CCDC178: variants seen among roughly 807,000 people sequenced by gnomAD.
The protein encoded by CCDC178 is coiled-coil domain-containing protein 178.
A neutral mutation model predicts 117.4 loss-of-function variants in CCDC178; 126 were observed. That is an observed-to-expected ratio of 1.07 (90% CI 0.93 to 1.24). The LOEUF (loss-of-function observed/expected upper bound fraction) is 1.24. CCDC178 is among the 50% of genes most tolerant of loss of function. The pLI, the probability that CCDC178 is intolerant of heterozygous loss-of-function variation, is 0.00. For synonymous variants in CCDC178, 283 were observed against 313.4 expected, an observed-to-expected ratio of 0.90 and a Z score of 1.02; for missense variants, 1,030 against 986.9, an observed-to-expected ratio of 1.04 and a Z score of -0.59.
At chr18:33,287,793 A>T (rs1166512801) in intron 12 of CCDC178, among the ~76,000 whole-genome samples, 1 of 151,962 alleles carries the variant, frequency 6.6e-6, no homozygotes, top group Non-Finnish European at 1.5e-5. Context: ...TAAATGAATG[A>T]ATAAATAAAT....
At chr18:33,163,792 T>C (rs976411016) in intron 20 of CCDC178, among the ~76,000 whole-genome samples, 2 of 152,348 alleles carry the variant, frequency 1.3e-5, no homozygotes, top group South Asian at 2.1e-4. Context: ...AGAATGTTGT[T>C]TCAGTAAGTT....
At chr18:33,214,104 T>TG in intron 19 of CCDC178, among the ~76,000 whole-genome samples, 3 of 152,054 alleles carry the variant, frequency 2.0e-5, no homozygotes, top group Non-Finnish European at 4.4e-5. Context: ...GGAGCTAAGC[T>TG]GAAGCTACCT....
chr18:33,253,135 A>G (rs2059636277), intron 14 of CCDC178, among the ~76,000 whole-genome samples: 1 of 151,824 alleles, frequency 6.6e-6, no homozygotes, highest in South Asian at 2.1e-4. Context: ...CAAAATTACC[A>G]AATTATAAAC....
At chr18:33,315,484 A>T (rs551656241) in intron 11 of CCDC178, among the ~76,000 whole-genome samples, 1 of 151,996 alleles carries the variant, frequency 6.6e-6, no homozygotes, top group Non-Finnish European at 1.5e-5. Flanking sequence ...CTACCATCCT[A>T]CTTATCTTGA....
intron 20 of CCDC178, among the ~76,000 whole-genome samples, chr18:33,178,853 T>C (rs991329499): frequency 7.9e-5 from 12 of 151,430 alleles, no homozygotes; most frequent in Non-Finnish European, 1.8e-4. Flanking sequence ...AGATGCTTCT[T>C]CTTGAACTGT....
At chr18:33,417,610 C>T (rs1396618948) in intron 2 of CCDC178, among the ~76,000 whole-genome samples, 2 of 151,902 alleles carry the variant, frequency 1.3e-5, no homozygotes, top group African/African-American at 4.8e-5. Flanking sequence ...GTTCCATTGC[C>T]TGTATCAATA....
At chr18:33,169,423 GA>G (rs1283819080) in intron 20 of CCDC178, among the ~76,000 whole-genome samples, 2 of 152,032 alleles carry the variant, frequency 1.3e-5, no homozygotes, top group African/African-American at 4.8e-5. Context: ...TGGGTCACTA[GA>G]AAAAAATTCT....
chr18:33,241,217 T>C (rs1285641863), intron 15 of CCDC178, among the ~76,000 whole-genome samples: 1 of 151,866 alleles, frequency 6.6e-6, no homozygotes. Flanking sequence ...GGTCCATATA[T>C]GACAAACCCA....
chr18:33,208,709 C>G (rs1467728219), intron 20 of CCDC178, among the ~76,000 whole-genome samples: 1 of 151,934 alleles, frequency 6.6e-6, no homozygotes, highest in Non-Finnish European at 1.5e-5. Flanking sequence ...ATTCCAGTAC[C>G]TGGTGGTCAA....
At chr18:32,942,536 T>C (rs1362934189) in intron 22 of CCDC178, among the ~76,000 whole-genome samples, 1 of 152,056 alleles carries the variant, frequency 6.6e-6, no homozygotes, top group Non-Finnish European at 1.5e-5. Context: ...AAAAAAAAAT[T>C]ATGAGAAACT....
At chr18:33,181,872 GA>G (rs995012958) in intron 20 of CCDC178, among the ~76,000 whole-genome samples, 6 of 151,512 alleles carry the variant, frequency 4.0e-5, no homozygotes, top group African/African-American at 1.2e-4. Context: ...GACATATTAA[GA>G]AAAAAAGTCA....
chr18:33,021,070 C>T (rs1390869960), intron 21 of CCDC178, among the ~76,000 whole-genome samples: 2 of 152,312 alleles, frequency 1.3e-5, no homozygotes, highest in South Asian at 2.1e-4. Context: ...GCCACTGCCA[C>T]CTGGAGGCTT....
At chr18:33,129,717 T>C (rs1320955827) in intron 20 of CCDC178, among the ~76,000 whole-genome samples, 1 of 152,052 alleles carries the variant, frequency 6.6e-6, no homozygotes. Flanking sequence ...ACTGGTTTTC[T>C]GCAAATATAC....
intron 20 of CCDC178, among the ~76,000 whole-genome samples, chr18:33,096,727 C>T (rs938022149): frequency 2.0e-5 from 3 of 152,092 alleles, no homozygotes; most frequent in Non-Finnish European, 4.4e-5. Flanking sequence ...CCTCCAGACC[C>T]AAAGCCTCAA....
At chr18:33,068,298 C>A (rs1049076665) in intron 21 of CCDC178, among the ~76,000 whole-genome samples, 45 of 152,064 alleles carry the variant, frequency 3.0e-4, no homozygotes, top group Admixed American at 2.9e-3. Context: ...ATTAAGAGTT[C>A]ATTCTTCCTA....
intron 21 of CCDC178, among the ~76,000 whole-genome samples, chr18:33,011,881 T>G (rs1307202911): frequency 7.7e-6 from 1 of 130,412 alleles, no homozygotes; most frequent in Non-Finnish European, 1.6e-5. Context: ...ATGGTTACGG[T>G]GGGCTGCAGT....
At chr18:33,373,240 C>G (rs2063323566) in intron 5 of CCDC178, among the ~76,000 whole-genome samples, 1 of 152,152 alleles carries the variant, frequency 6.6e-6, no homozygotes. Flanking sequence ...TAGAATAATA[C>G]ACATGGACTC....
chr18:33,241,727 C>A (rs1327198853), intron 15 of CCDC178, among the ~76,000 whole-genome samples: 10 of 150,838 alleles, frequency 6.6e-5, no homozygotes, highest in African/African-American at 2.4e-4. Context: ...TGGATACAAA[C>A]AAAATGGAAA....
At chr18:33,382,661 T>C (rs2144798920) in intron 5 of CCDC178, among the ~76,000 whole-genome samples, 1 of 152,292 alleles carries the variant, frequency 6.6e-6, no homozygotes, top group Admixed American at 6.5e-5. Flanking sequence ...ACACTTTTCC[T>C]ACGGATTTTT....
Sources: allele counts gnomAD v4.1 joint callset (sites outside exome capture counted in the v4.1 genomes callset), GRCh38; gene constraint gnomAD v4.1.1; transcripts MANE v1.5; gene names NCBI Gene and HGNC (gene_info 2026-07-23, HGNC 2026-07-21).